The following BCAS3 variants were observed in gnomAD, a reference collection of about 807,000 sequenced individuals.
BCAS3 encodes BCAS3 microtubule associated cell migration factor, also known as BCAS4/BCAS3 fusion.
BCAS3 carries 53 observed loss-of-function variants against 116.1 expected under a neutral mutation model. The ratio of observed to expected loss-of-function variants is 0.46; its 90% CI spans 0.37 to 0.57. BCAS3 has a LOEUF of 0.57. Ranked by LOEUF, BCAS3 falls within the 20% of genes least tolerant of loss-of-function variation. BCAS3 has a pLI of 0.00. For missense variants in BCAS3, 917 were observed against 1,165.4 expected (o/e 0.79, Z 3.10); for synonymous variants, 391 against 408.2 (o/e 0.96, Z 0.51).
chr17:60,786,034 C>T (rs561524203), intron 6 of BCAS3, among the ~76,000 whole-genome samples: 2 of 152,228 alleles, frequency 1.3e-5, no homozygotes, highest in South Asian at 4.1e-4. Flanking sequence ...AATTTTATGC[C>T]AGAGACTTGA....
At chr17:60,699,225 T>C (rs2036059988) in intron 4 of BCAS3, among the ~76,000 whole-genome samples, 2 of 152,066 alleles carry the variant, frequency 1.3e-5, no homozygotes. Flanking sequence ...ACTTATTTAT[T>C]TATTTATGAG....
Position 61,181,695 on chromosome 17 carries a change from A to G in BCAS3, c.2425+97131A>G, listed in dbSNP as rs778454718. ...TCTACATATAGAGATACACTGGATG[A>G]TAAGAGTCAACTCTAAAATCAAAAT... On this transcript the variant is annotated intron_variant, in intron 22 of 23. Transcript: ENST00000407086. This position sits in a 1 kb window ranked among gnomAD's most constrained non-coding sequence, Gnocchi z 5.0. Among the ~76,000 whole-genome samples, 14 of 152,162 alleles carry G rather than the reference A, an allele frequency of 9.2e-5. No homozygotes were observed. Among genetic ancestry groups the G allele is most frequent in the Non-Finnish European group, 1.8e-4 (12 of 68,018 alleles).
intron 22 of BCAS3, among the ~76,000 whole-genome samples, chr17:61,267,131 C>T (rs1321631805): frequency 6.6e-6 from 1 of 152,152 alleles, no homozygotes; most frequent in Non-Finnish European, 1.5e-5. Context: ...GGTCTCGGCT[C>T]ACCGCAAGCT....
In BCAS3 at chr17:60,868,681, A is replaced by T. The variant is rs1199739756; in HGVS notation, c.582A>T (p.Lys194Asn). 1.3e-6 allele frequency: 2 copies of T among 1,564,332 alleles called. No homozygotes were observed. The highest frequency in any genetic ancestry group is 3.9e-5 in the Admixed American group (2 of 51,858). ...CTATTTATGATCTCCATTGCAATAA[A>T]CGGTAAGGATTTTTTCATGGGTTTC... Reference protein sequence around the residue: ...KTPIYDLHCNKRILVVVLQEK... With the variant: ...KTPIYDLHCNNRILVVVLQEK... Residue 194 changes from lysine (K) to asparagine (N), a missense_variant and splice_region_variant, in exon 8 of 24, where the codon AAA becomes AAT. Transcript: ENST00000407086.
intron 23 of BCAS3, among the ~76,000 whole-genome samples, chr17:61,370,008 T>C (rs11653176): frequency 0.67 from 102,231 of 152,030 alleles, 36,066 homozygotes; most frequent in Non-Finnish European, 0.8. Flanking sequence ...CCCACCGCCT[T>C]CTCAGGAGCC....
Position 61,084,183 on chromosome 17 carries a change from AT to A in BCAS3, c.2328-282del, listed in dbSNP as rs2072894200. ...TTTAATTTCCTCTCCCATTCTACTT[AT>A]TGTATCCCTTTAAATTAATGTCAGC... On this transcript the variant is annotated intron_variant, in intron 21 of 23. Transcript: ENST00000407086. This position sits in a 1 kb window ranked among gnomAD's most constrained non-coding sequence, Gnocchi z 5.5. Among the ~76,000 whole-genome samples the A allele has an allele frequency of 6.6e-6, 1 of 150,928 alleles. No individual in the cohort carries two copies. The highest frequency in any genetic ancestry group is 2.5e-5 in the African/African-American group (1 of 40,236).
At position 61,134,990 on chromosome 17, in the gene BCAS3, T is replaced by C. The variant is rs1285517839; in HGVS notation, c.2425+50426T>C. Among the ~76,000 whole-genome samples the C allele has an allele frequency of 6.6e-6, 1 of 152,160 alleles. No homozygotes were observed. The highest frequency in any genetic ancestry group is 1.9e-4 in the East Asian group (1 of 5,194). ...TGTTATTAGAGTTCTTGCTTGAAAA[T>C]AGTTCCAAATTAAACATATGAGGTT... On this transcript the variant is annotated intron_variant, in intron 22 of 23. Coordinates refer to ENST00000407086, the MANE Select transcript of BCAS3 (RefSeq NM_017679.5). This position sits in a 1 kb window ranked among gnomAD's most constrained non-coding sequence, Gnocchi z 4.6.
At position 61,366,687 on chromosome 17, in the gene BCAS3, C is replaced by G. The variant is rs10515196; in HGVS notation, c.2426-1640C>G. 0.079 allele frequency among the ~76,000 whole-genome samples: 12,034 copies of G among 152,228 alleles called. 1,447 individuals are homozygous for G. The highest frequency in any genetic ancestry group is 0.26 in the African/African-American group (10,791 of 41,492). ...GGAGCTCCCCATTCTCAAGTCCTAC[C>G]TGACAAGCTGATCCCAAGCAACCCA... On this transcript the variant is annotated intron_variant, in intron 22 of 23. Transcript: ENST00000407086. This position sits in a 1 kb window ranked among gnomAD's most constrained non-coding sequence, Gnocchi z 4.5.
intron 4 of BCAS3, among the ~76,000 whole-genome samples, chr17:60,693,821 TA>T (rs954461903): frequency 5.3e-5 from 8 of 151,560 alleles, no homozygotes; most frequent in Middle Eastern, 3.2e-3. Context: ...AAAAGGGAAT[TA>T]TTTTTTTTTA....
chr17:60,897,013 A>G (rs2057557494), intron 10 of BCAS3, among the ~76,000 whole-genome samples: 1 of 151,878 alleles, frequency 6.6e-6, no homozygotes. Flanking sequence ...TGAGTTTCAT[A>G]GTTTGGTGTG....
At chr17:60,912,490 C>T (rs748049588) in intron 12 of BCAS3, among the ~76,000 whole-genome samples, 1 of 152,042 alleles carries the variant, frequency 6.6e-6, no homozygotes, top group Non-Finnish European at 1.5e-5. Context: ...AACAAAAAAA[C>T]TTTGAAATTC....
At chr17:60,903,956 C>A (rs2058057334) in intron 11 of BCAS3, among the ~76,000 whole-genome samples, 1 of 152,102 alleles carries the variant, frequency 6.6e-6, no homozygotes, top group African/African-American at 2.4e-5. Flanking sequence ...AGCTTATGAT[C>A]ATTTTCAGTA....
At position 61,114,497 on chromosome 17, in the gene BCAS3, A is replaced by G. The variant is rs2075298883; in HGVS notation, c.2425+29933A>G. Among the ~76,000 whole-genome samples the G allele has an allele frequency of 2.0e-5, 3 of 150,730 alleles. No homozygotes were observed. In the South Asian group the frequency reaches 6.3e-4, roughly 32 times the overall value. Reference sequence around the variant, plus strand: ...GTGAACTCCCATTCACAATTGCTTCAAAGAGAATAAAATACCTAGGAATAC... The same window carrying G: ...GTGAACTCCCATTCACAATTGCTTCGAAGAGAATAAAATACCTAGGAATAC... On this transcript the variant is annotated intron_variant, in intron 22 of 23. Coordinates refer to ENST00000407086, the MANE Select transcript of BCAS3 (RefSeq NM_017679.5).
intron 8 of BCAS3, 90 bp from the exon 9 acceptor site, chr17:60,874,572 A>G: frequency 1.2e-6 from 1 of 855,072 alleles, no homozygotes; most frequent in Non-Finnish European, 1.9e-6. Flanking sequence ...ACTTGTTTTC[A>G]TCTAGATGAT....
intron 22 of BCAS3, among the ~76,000 whole-genome samples, chr17:61,298,644 A>AG (rs2053152413): frequency 6.6e-6 from 1 of 152,032 alleles, no homozygotes; most frequent in African/African-American, 2.4e-5. Context: ...TACTTCCAAA[A>AG]GGGAGCCAGA....
At chr17:60,948,061 T>G (rs550204195) in intron 14 of BCAS3, among the ~76,000 whole-genome samples, 9 of 152,228 alleles carry the variant, frequency 5.9e-5, no homozygotes, top group Admixed American at 5.2e-4. Context: ...CGCTAAGTGC[T>G]TCACATATAT....
chr17:60,688,371 C>G (rs953653050), intron 3 of BCAS3, among the ~76,000 whole-genome samples: 2 of 152,026 alleles, frequency 1.3e-5, no homozygotes, highest in African/African-American at 4.8e-5. Flanking sequence ...ACTATCATGG[C>G]TCACTGCGGC....
intron 6 of BCAS3, among the ~76,000 whole-genome samples, chr17:60,769,578 GC>G (rs1307696275): frequency 1.3e-5 from 2 of 152,020 alleles, no homozygotes; most frequent in Non-Finnish European, 2.9e-5. Context: ...AAGGGGGAGG[GC>G]CCCCCTCAGT....
intron 6 of BCAS3, among the ~76,000 whole-genome samples, chr17:60,757,741 CT>C (rs2043144893): frequency 6.6e-6 from 1 of 152,002 alleles, no homozygotes; most frequent in African/African-American, 2.4e-5. Flanking sequence ...GTTTCCTTTG[CT>C]GTATGGAAGC....
Sources: gnomAD v4.1 joint callset for allele counts (sites outside exome capture counted in the v4.1 genomes callset) on GRCh38, gnomAD v4.1.1 for gene constraint, Gnocchi (gnomAD v3.1) non-coding constraint, MANE v1.5 for transcripts, NCBI Gene and HGNC (gene_info 2026-07-23, HGNC 2026-07-21) for gene names.